Variants in HAUS6 observed in about 807,000 individuals in gnomAD.
The protein encoded by HAUS6 is HAUS augmin like complex subunit 6.
A neutral mutation model predicts 106.8 loss-of-function variants in HAUS6; 80 were observed. That is an observed-to-expected ratio of 0.75 (90% CI 0.63 to 0.90). The LOEUF is 0.90. Among genes scored for constraint, HAUS6 ranks in the 40% least tolerant of loss-of-function variants. HAUS6 has a pLI of 0.00. For synonymous variants in HAUS6, 356 were observed against 379.1 expected, an observed-to-expected ratio of 0.94 and a Z score of 0.71; for missense variants, 1,155 against 1,118.1, an observed-to-expected ratio of 1.03 and a Z score of -0.47.
rs1411585577 is a variant in HAUS6 at position 19,078,233 on chromosome 9, T to C, written c.1134A>G (p.Lys378=). 6.3e-7 allele frequency: 1 copy of C among 1,576,608 alleles called. No homozygotes were observed. The highest frequency in any genetic ancestry group is 1.1e-5 in the South Asian group (1 of 90,206). ...ACAAACCAAGAAATTCTTTCCACTT[T>C]TTATGCCATTCTCCTTGCTTTTCAA... is the stretch of plus-strand genomic sequence containing the variant. ...SVVEKQGEWH[K]KWKEFLGLSP... Residue 378 remains lysine (K), a synonymous_variant, in exon 10 of 17, where the codon AAA becomes AAG. Transcript: ENST00000380502.
chr9:19,065,060 T>A (rs1328963168), intron 12 of HAUS6: 1 of 152,228 alleles, frequency 6.6e-6, no homozygotes, highest in Non-Finnish European at 1.5e-5. Flanking sequence ...ATTGATGGAA[T>A]CGATGAGTAA....
chr9:19,097,576 G>C (rs7850757), intron 1 of HAUS6, among the ~76,000 whole-genome samples: 128,211 of 151,764 alleles, frequency 0.84, 54,406 homozygotes, highest in African/African-American at 0.92. Flanking sequence ...GTTAGAATGG[G>C]GATCATTAAA....
At chr9:19,059,473 G>C (rs956383223) in intron 15 of HAUS6, among the ~76,000 whole-genome samples, 1 of 152,166 alleles carries the variant, frequency 6.6e-6, no homozygotes, top group African/African-American at 2.4e-5. Flanking sequence ...AACACACAAG[G>C]TGGGGCCAAA....
intron 8 of HAUS6, among the ~76,000 whole-genome samples, chr9:19,081,541 G>A (rs1451297609): frequency 6.6e-6 from 1 of 151,896 alleles, no homozygotes; most frequent in Non-Finnish European, 1.5e-5. Flanking sequence ...AAGCATTCAA[G>A]CGATCCTCCC....
At chr9:19,074,028 G>C (rs1040975893) in intron 11 of HAUS6, 4 of 152,164 alleles carry the variant, frequency 2.6e-5, no homozygotes, top group Non-Finnish European at 4.4e-5. Flanking sequence ...AGGCGGAATG[G>C]CTGAGCTCAG....
intron 11 of HAUS6, among the ~76,000 whole-genome samples, chr9:19,071,573 CTTTT>C (rs34684530): frequency 5.5e-5 from 6 of 109,366 alleles, no homozygotes; most frequent in Non-Finnish European, 5.4e-5. Context: ...AAAATATTTT[CTTTT>C]TTTTTTTTTT....
intron 5 of HAUS6, among the ~76,000 whole-genome samples, chr9:19,088,342 G>T (rs946914157): frequency 6.6e-6 from 1 of 151,904 alleles, no homozygotes; most frequent in East Asian, 1.9e-4. Flanking sequence ...CTTGAACCTG[G>T]GAGGTGGAGG....
chr9:19,097,784 A>G (rs1817895237), intron 1 of HAUS6, among the ~76,000 whole-genome samples: 1 of 151,986 alleles, frequency 6.6e-6, no homozygotes, highest in Non-Finnish European at 1.5e-5. Flanking sequence ...AAAAAAAGTG[A>G]AAACAAAAAT....
At position 19,063,121 on chromosome 9, in the gene HAUS6, T is replaced by A. The variant is rs774995466; in HGVS notation, c.1516A>T (p.Asn506Tyr). ...SKKIPEFEVE[N>Y]SPLSDVAKNT... is the part of the protein sequence containing the mutation. ...TTTGCAACATCTGATAATGGAGAAT[T>A]TTCCACTTCAAATTCTGGTATTTTC... The change falls in exon 14 of 17, where the codon AAT (asparagine) becomes TAT (tyrosine). Residue 506 changes from asparagine to tyrosine, a missense_variant. By Grantham distance (143) the Asn-to-Tyr change is moderately radical. Transcript: ENST00000380502. The A allele has an allele frequency of 2.5e-6, 4 of 1,603,278 alleles. No individual in the cohort carries two copies. Among genetic ancestry groups the A allele is most frequent in the South Asian group, 2.2e-5 (2 of 89,994 alleles).
intron 1 of HAUS6, among the ~76,000 whole-genome samples, chr9:19,100,911 T>C (rs553282399): frequency 1.1e-4 from 16 of 152,158 alleles, no homozygotes; most frequent in African/African-American, 3.6e-4. Flanking sequence ...GGGAGTAGAA[T>C]GGTGGTTAAC....
rs1836679907 is a variant in HAUS6, at chr9:19,063,533, C to G, written c.1424G>C (p.Ser475Thr). 6.3e-7 allele frequency: 1 copy of G among 1,591,132 alleles called. No individual in the cohort carries two copies. Residue 475 changes from serine (S) to threonine (T), a missense_variant, in exon 13 of 17, where the codon AGT becomes ACT. Transcript: ENST00000380502. The part of the protein sequence containing the change: ...SQSVSSSDRN[S>T]VTVLEKDTKM... ...ATATACCTTTTCAAGTACTGTAACA[C>G]TGTTTCTATCTGATGATGAAACTGA...
intron 14 of HAUS6, 132 bp downstream of exon 14, chr9:19,062,876 T>C (rs72696453): frequency 2.8e-6 from 2 of 711,086 alleles, no homozygotes; most frequent in Non-Finnish European, 4.9e-6. Flanking sequence ...ATGTTGCCCA[T>C]GCTGGTCTCG....
At chr9:19,102,148 CCCTT>C (rs1564024633) in intron 1 of HAUS6, among the ~76,000 whole-genome samples, 1 of 152,142 alleles carries the variant, frequency 6.6e-6, no homozygotes, top group Non-Finnish European at 1.5e-5. Context: ...TTCAAAGGCT[CCCTT>C]GAGTCCAAAA....
At chr9:19,085,214 A>G (rs929811936) in intron 7 of HAUS6, among the ~76,000 whole-genome samples, 3 of 152,224 alleles carry the variant, frequency 2.0e-5, no homozygotes, top group African/African-American at 4.8e-5. Flanking sequence ...TCTGGTTCTC[A>G]TATTTTCCAA....
rs114460047 is a variant in HAUS6, at chr9:19,073,474, G to A, written c.1294+3128C>T. 2.7e-3 allele frequency among the ~76,000 whole-genome samples: 408 copies of A among 150,816 alleles called. 1 individual carries two copies. Among genetic ancestry groups the A allele is most frequent in the African/African-American group, 8.7e-3 (357 of 41,108 alleles). ...CAACTTCCAACTGGACTTCCTAAACGGACACATTTTCCCTCAGTATAAAGG... is the reference window on the plus strand; with the variant it reads ...CAACTTCCAACTGGACTTCCTAAACAGACACATTTTCCCTCAGTATAAAGG... On this transcript the variant is annotated intron_variant, in intron 11 of 16. Coordinates refer to ENST00000380502, the MANE Select transcript of HAUS6 (RefSeq NM_017645.5).
chr9:19,087,590 C>G (rs539752026), intron 5 of HAUS6, among the ~76,000 whole-genome samples: 1 of 152,230 alleles, frequency 6.6e-6, no homozygotes, highest in South Asian at 2.1e-4. Context: ...TGCAATGGCT[C>G]ACACCTGTAA....
At position 19,055,269 on chromosome 9, in the gene HAUS6, C is replaced by A. The variant is rs1836444252; in HGVS notation, c.*1074G>T. 6.6e-6 allele frequency: 1 copy of A among 152,196 alleles called. No individual in the cohort carries two copies. The highest frequency in any genetic ancestry group is 6.5e-5 in the Admixed American group (1 of 15,284). The allele number at this position is 152,196 out of a possible 1,614,324, so 9.4% of individuals were successfully genotyped here. ...AAAGGGTATTGTAGGTACTATCACC[C>A]TTCCATTGCCTGTTCCATTCCTCCT... On this transcript the variant is annotated 3_prime_UTR_variant, in exon 17 of 17. Transcript: ENST00000380502.
chr9:19,076,752 AC>A, intron 10 of HAUS6, 48 bp from the exon 11 acceptor site: 1 of 809,226 alleles, frequency 1.2e-6, no homozygotes, highest in Non-Finnish European at 2.2e-6. Context: ...TTTGCTAACT[AC>A]CACAATAACA....
intron 10 of HAUS6, among the ~76,000 whole-genome samples, chr9:19,077,387 T>G (rs1441143154): frequency 6.6e-6 from 1 of 152,012 alleles, no homozygotes; most frequent in Admixed American, 6.6e-5. Flanking sequence ...ATAGAAAAAT[T>G]AGCCGAGCGT....
Sources: gnomAD v4.1 joint callset for allele counts (sites outside exome capture counted in the v4.1 genomes callset) on GRCh38, gnomAD v4.1.1 for gene constraint, MANE v1.5 for transcripts, NCBI Gene and HGNC (gene_info 2026-07-23, HGNC 2026-07-21) for gene names.